AGBL1: variants seen among roughly 807,000 people sequenced by gnomAD.
AGBL1 encodes the protein AGBL carboxypeptidase 1, also known as cytosolic carboxypeptidase 4.
A neutral mutation model predicts 118.9 loss-of-function variants in AGBL1; 130 were observed. The observed-to-expected ratio is 1.09, with a 90% CI of 0.95 to 1.26. The LOEUF (loss-of-function observed/expected upper bound fraction) is 1.26, where lower values mean the gene tolerates loss of function less well. AGBL1 is among the 50% of genes most tolerant of loss of function. AGBL1 has a pLI of 0.00. For missense variants in AGBL1, 1,584 were observed against 1,298.1 expected, an observed-to-expected ratio of 1.22 and a Z score of -3.38; for synonymous variants, 555 against 478.9, an observed-to-expected ratio of 1.16 and a Z score of -2.08.
chr15:86,432,470 T>C (rs1403307643), intron 18 of AGBL1, among the ~76,000 whole-genome samples: 1 of 152,214 alleles, frequency 6.6e-6, no homozygotes, highest in Non-Finnish European at 1.5e-5. Flanking sequence ...CCTGTGTTAG[T>C]GTGTATTTTT....
At chr15:86,860,878 G>A (rs1022429498) in intron 22 of AGBL1, among the ~76,000 whole-genome samples, 1 of 152,116 alleles carries the variant, frequency 6.6e-6, no homozygotes, top group African/African-American at 2.4e-5. Context: ...GGAGGTGAAA[G>A]AAGTTGAGGG....
chr15:86,930,257 C>T (rs563972451), intron 23 of AGBL1, among the ~76,000 whole-genome samples: 1 of 152,146 alleles, frequency 6.6e-6, no homozygotes, highest in Non-Finnish European at 1.5e-5. Flanking sequence ...CTCTGAAAAA[C>T]CCTCCAGAGT....
intron 22 of AGBL1, among the ~76,000 whole-genome samples, chr15:86,844,269 G>A (rs1027191486): frequency 5.9e-5 from 9 of 152,134 alleles, no homozygotes; most frequent in African/African-American, 1.2e-4. Context: ...GGTAAGATAC[G>A]TTTCACTTTT....
chr15:87,015,362 GTCTA>G (rs560502659), intron 24 of AGBL1, among the ~76,000 whole-genome samples: 17 of 152,026 alleles, frequency 1.1e-4, no homozygotes, highest in South Asian at 2.1e-4. Flanking sequence ...CTGTCTGTCT[GTCTA>G]TCTATCTATC....
chr15:86,344,794 C>T (rs1244690549), intron 17 of AGBL1, among the ~76,000 whole-genome samples: 1 of 151,980 alleles, frequency 6.6e-6, no homozygotes, highest in Non-Finnish European at 1.5e-5. Context: ...GTTCTTATTA[C>T]CTAAAATGTA....
intron 18 of AGBL1, among the ~76,000 whole-genome samples, chr15:86,485,943 A>G (rs2082707102): frequency 6.6e-6 from 1 of 151,928 alleles, no homozygotes; most frequent in Non-Finnish European, 1.5e-5. Context: ...TTTTAAACCC[A>G]ATACATTAGA....
chr15:86,394,354 C>T lies in AGBL1; in HGVS notation c.2375-3012C>T, dbSNP rs544919149. On this transcript the variant is annotated intron_variant, in intron 17 of 22. Coordinates refer to ENST00000614907, the MANE Select transcript of AGBL1 (RefSeq NM_001386094.1). Reference sequence around the variant, plus strand: ...ATCATCTCCCTTTTTCTTAAGATAGCGGTTCTCAATTGTTCTTTTCTAAAA... The same window carrying T: ...ATCATCTCCCTTTTTCTTAAGATAGTGGTTCTCAATTGTTCTTTTCTAAAA... Among the ~76,000 whole-genome samples, 5 of 152,184 alleles carry T rather than the reference C, an allele frequency of 3.3e-5. No individual in the cohort carries two copies. In the East Asian group the frequency reaches 5.8e-4, roughly 18 times the overall value.
chr15:86,839,816 G>A (rs1596538905), intron 22 of AGBL1, among the ~76,000 whole-genome samples: 1 of 152,280 alleles, frequency 6.6e-6, no homozygotes, highest in South Asian at 2.1e-4. Context: ...ATTCAACCCA[G>A]TCAAGCTGGG....
intron 17 of AGBL1, among the ~76,000 whole-genome samples, chr15:86,351,994 C>T (rs1322688150): frequency 6.6e-6 from 1 of 152,136 alleles, no homozygotes; most frequent in Non-Finnish European, 1.5e-5. Context: ...ATTCTACCTC[C>T]TTCCTGTGAG....
At chr15:86,267,158 A>G (rs995089753) in intron 13 of AGBL1, 82 bp downstream of exon 13, 2 of 1,090,268 alleles carry the variant, frequency 1.8e-6, no homozygotes, top group Non-Finnish European at 2.7e-6. Flanking sequence ...TGCTCTGTTC[A>G]GTGACCTTGC....
At chr15:86,154,620 GA>G in intron 4 of AGBL1, 59 bp downstream of exon 4, 1 of 1,549,190 alleles carries the variant, frequency 6.5e-7, no homozygotes, top group Non-Finnish European at 8.7e-7. Flanking sequence ...GGGACACATG[GA>G]AACTGCATGA....
intron 23 of AGBL1, among the ~76,000 whole-genome samples, chr15:86,944,604 G>T (rs2141659785): frequency 6.6e-6 from 1 of 152,132 alleles, no homozygotes; most frequent in African/African-American, 2.4e-5. Flanking sequence ...GAAAGAGGAA[G>T]GGACAAAAAT....
At position 86,464,388 on chromosome 15, in the gene AGBL1, G is replaced by T. The variant is rs529975513; in HGVS notation, c.2556-58422G>T. Reference sequence around the variant, plus strand: ...TATACAATAATGTGATCTGCAAACAGAAATAATTTGACTTCCTCTCCTCCT... The same window carrying T: ...TATACAATAATGTGATCTGCAAACATAAATAATTTGACTTCCTCTCCTCCT... On this transcript the variant is annotated intron_variant, in intron 18 of 22. Coordinates refer to ENST00000614907, the MANE Select transcript of AGBL1 (RefSeq NM_001386094.1). Among the ~76,000 whole-genome samples the T allele has an allele frequency of 3.3e-5, 5 of 152,314 alleles. No individual in the cohort carries two copies. In the South Asian group the frequency reaches 1.0e-3, roughly 32 times the overall value.
intron 18 of AGBL1, among the ~76,000 whole-genome samples, chr15:86,495,544 G>C (rs2082839660): frequency 6.6e-6 from 1 of 151,634 alleles, no homozygotes; most frequent in African/African-American, 2.4e-5. Context: ...CCCATAAATT[G>C]ATAGATTCTG....
At chr15:86,309,762 G>T (rs1044931008) in intron 17 of AGBL1, among the ~76,000 whole-genome samples, 2 of 152,012 alleles carry the variant, frequency 1.3e-5, no homozygotes, top group African/African-American at 4.8e-5. Context: ...GAACATCCTT[G>T]CAGCCTAGAG....
intron 22 of AGBL1, among the ~76,000 whole-genome samples, chr15:86,846,289 T>C (rs186432744): frequency 1.8e-4 from 28 of 152,310 alleles, no homozygotes; most frequent in African/African-American, 6.5e-4. Flanking sequence ...TGACAGTTTT[T>C]TTGTGTGATC....
intron 6 of AGBL1, among the ~76,000 whole-genome samples, chr15:86,242,599 A>C (rs967073384): frequency 6.6e-6 from 1 of 152,190 alleles, no homozygotes; most frequent in Non-Finnish European, 1.5e-5. Flanking sequence ...GGAGGGGTAC[A>C]TGAGTTTAGA....
At chr15:86,730,281 A>T (rs1432356115) in intron 22 of AGBL1, among the ~76,000 whole-genome samples, 1 of 152,200 alleles carries the variant, frequency 6.6e-6, no homozygotes, top group Non-Finnish European at 1.5e-5. Context: ...TAAACTAAAG[A>T]GCCTCTGCAT....
chr15:86,634,016 C>A (rs145960668), intron 21 of AGBL1, among the ~76,000 whole-genome samples: 3 of 151,696 alleles, frequency 2.0e-5, no homozygotes, highest in Non-Finnish European at 4.4e-5. Flanking sequence ...GTAGGAGATA[C>A]CACTTCACAC....
Sources: allele counts gnomAD v4.1 joint callset (sites outside exome capture counted in the v4.1 genomes callset), GRCh38; gene constraint gnomAD v4.1.1; transcripts MANE v1.5; gene names NCBI Gene and HGNC (gene_info 2026-07-23, HGNC 2026-07-21).